Variants in PLPP3 observed in about 807,000 individuals in gnomAD.
The protein encoded by PLPP3 is PAP2 beta.
PLPP3 carries 6 observed loss-of-function variants against 29.6 expected under a neutral mutation model. That is an observed-to-expected ratio of 0.20 (90% CI 0.11 to 0.40). The LOEUF (loss-of-function observed/expected upper bound fraction) is 0.40. Among genes scored for constraint, PLPP3 ranks in the 10% least tolerant of loss-of-function variants. The pLI is 1.00. For synonymous variants in PLPP3, 152 were observed against 159.7 expected, an observed-to-expected ratio of 0.95 and a Z score of 0.36; for missense variants, 308 against 407.7, an observed-to-expected ratio of 0.76 and a Z score of 2.11.
intron 1 of PLPP3, 75 bp downstream of exon 1, chr1:56,578,803 G>A: frequency 7.5e-7 from 1 of 1,324,906 alleles, no homozygotes; most frequent in East Asian, 3.3e-5. Context: ...GGCGCTGCGC[G>A]GCCCCGGACT....
At chr1:56,511,935 C>T in intron 5 of PLPP3, 41 bp downstream of exon 5, 1 of 1,607,786 alleles carries the variant, frequency 6.2e-7, no homozygotes, top group Non-Finnish European at 8.5e-7. Flanking sequence ...AAGCAACAGT[C>T]CAGGGCTCCA....
chr1:56,548,353 A>G (rs1188632390), intron 1 of PLPP3, among the ~76,000 whole-genome samples: 1 of 152,214 alleles, frequency 6.6e-6, no homozygotes, highest in African/African-American at 2.4e-5. Context: ...AATCCCTTTG[A>G]CCTTCTGCCT....
At chr1:56,512,593 C>T (rs1645751010) in intron 4 of PLPP3, 1 of 152,882 alleles carries the variant, frequency 6.5e-6, no homozygotes, top group African/African-American at 2.4e-5. Context: ...GTCTGGGCAA[C>T]AGAGTGAGAC....
intron 4 of PLPP3, 119 bp from the exon 5 acceptor site, chr1:56,512,271 A>G: frequency 1.0e-6 from 1 of 956,006 alleles, no homozygotes; most frequent in Non-Finnish European, 1.5e-6. Context: ...CTTGGGTGGC[A>G]TGTTGTAGAT....
chr1:56,517,746 C>A (rs528185833), intron 4 of PLPP3, among the ~76,000 whole-genome samples: 12 of 152,206 alleles, frequency 7.9e-5, no homozygotes, highest in African/African-American at 2.9e-4. Context: ...AGAAAAGAGG[C>A]AGTTTGAGGG....
chr1:56,550,013 A>T (rs577789025), intron 1 of PLPP3, among the ~76,000 whole-genome samples: 4 of 152,338 alleles, frequency 2.6e-5, no homozygotes, highest in African/African-American at 9.6e-5. Flanking sequence ...AAGAATAGTG[A>T]TAAGGCCACA....
intron 1 of PLPP3, among the ~76,000 whole-genome samples, chr1:56,577,073 C>A (rs1646241777): frequency 6.6e-6 from 1 of 152,116 alleles, no homozygotes; most frequent in African/African-American, 2.4e-5. Context: ...AGGAGGGTAT[C>A]CTGCACAGGC....
At chr1:56,515,617 G>A (rs571434290) in intron 4 of PLPP3, among the ~76,000 whole-genome samples, 3 of 152,338 alleles carry the variant, frequency 2.0e-5, no homozygotes, top group South Asian at 2.1e-4. Context: ...GGAAAAGAAC[G>A]CCTTTGGGAA....
At chr1:56,557,498 T>A (rs1347485176) in intron 1 of PLPP3, among the ~76,000 whole-genome samples, 1 of 152,200 alleles carries the variant, frequency 6.6e-6, no homozygotes, top group Non-Finnish European at 1.5e-5. Context: ...AATCGTATCT[T>A]TTAACTTCAT....
intron 5 of PLPP3, among the ~76,000 whole-genome samples, chr1:56,510,806 G>C (rs1645736108): frequency 1.3e-5 from 2 of 152,158 alleles, no homozygotes; most frequent in Admixed American, 6.5e-5. Context: ...TGATAAGATA[G>C]GGAGAGTAAC....
intron 2 of PLPP3, among the ~76,000 whole-genome samples, chr1:56,528,754 T>C (rs986687743): frequency 3.3e-5 from 5 of 151,068 alleles, no homozygotes; most frequent in Non-Finnish European, 7.4e-5. Context: ...CATACCTAAA[T>C]GAAGAGTTTG....
rs574853243 is a variant in PLPP3, at chr1:56,534,393, C to T, written c.297+2562G>A. The stretch of plus-strand genomic sequence containing the variant: ...CGTGATGATTTGCATCTCTAAACCA[C>T]ACTGGTCTCCTCCACTGCCATTCCG... On this transcript the variant is annotated intron_variant, in intron 2 of 5. Transcript: ENST00000371250. Among the ~76,000 whole-genome samples, 111 of 152,278 alleles carry T rather than the reference C, an allele frequency of 7.3e-4. 1 individual carries two copies. The South Asian group carries it at 9.5e-3, about 13-fold the overall frequency.
chr1:56,496,401 G>C lies in PLPP3; in HGVS notation c.*150C>G. 1 of 930,924 alleles carries C rather than the reference G, an allele frequency of 1.1e-6. No homozygotes were observed. Among genetic ancestry groups the C allele is most frequent in the African/African-American group, 1.7e-5 (1 of 59,924 alleles). The allele number at this position is 930,924 out of a possible 1,614,324, so 57.7% of individuals were successfully genotyped here. A position where few individuals can be genotyped will look rare whatever the true frequency, so the allele number is the denominator to read the frequency against. ...AGGCAAACACTACCTATTTTGGAAGGCCACATAGTAAAACATTTTTTTTTT... is the reference window on the plus strand; with the variant it reads ...AGGCAAACACTACCTATTTTGGAAGCCCACATAGTAAAACATTTTTTTTTT... On this transcript the variant is annotated 3_prime_UTR_variant, in exon 6 of 6. Coordinates refer to ENST00000371250, the MANE Select transcript of PLPP3 (RefSeq NM_003713.5).
intron 2 of PLPP3, among the ~76,000 whole-genome samples, chr1:56,525,027 C>T (rs1464751966): frequency 6.6e-6 from 1 of 152,102 alleles, no homozygotes; most frequent in Non-Finnish European, 1.5e-5. Context: ...TGACATTGGC[C>T]ATGGTGAGAG....
intron 1 of PLPP3, among the ~76,000 whole-genome samples, chr1:56,567,989 A>G (rs921827195): frequency 1.3e-5 from 2 of 152,260 alleles, no homozygotes; most frequent in Non-Finnish European, 2.9e-5. Flanking sequence ...ACATGCTGCA[A>G]TATGAATGAA....
At chr1:56,551,294 C>G (rs55794494) in intron 1 of PLPP3, among the ~76,000 whole-genome samples, 1 of 138,882 alleles carries the variant, frequency 7.2e-6, no homozygotes. Flanking sequence ...TGGTTTGGTT[C>G]GGTTCGGTTC....
rs1487325454 is a variant in PLPP3 at position 56,561,022 on chromosome 1, T to G, written c.139+17856A>C. Among the ~76,000 whole-genome samples the G allele has an allele frequency of 6.1e-5, 9 of 147,352 alleles. No homozygotes were observed. In the South Asian group the frequency reaches 1.3e-3, roughly 21 times the overall value. On this transcript the variant is annotated intron_variant, in intron 1 of 5. Coordinates refer to ENST00000371250, the MANE Select transcript of PLPP3 (RefSeq NM_003713.5). Reference sequence around the variant, plus strand: ...CCGGGTAATTTTTTTTTTTTTTTTGTATTTTTAGTAGAGATGGGGTTTCAC... The same window carrying G: ...CCGGGTAATTTTTTTTTTTTTTTTGGATTTTTAGTAGAGATGGGGTTTCAC...
intron 5 of PLPP3, among the ~76,000 whole-genome samples, chr1:56,510,912 G>C (rs974697291): frequency 2.0e-5 from 3 of 152,168 alleles, no homozygotes; most frequent in South Asian, 2.1e-4. Context: ...TGCTGTTACA[G>C]AGGAGCTGGG....
chr1:56,579,195 T>A lies in PLPP3; in HGVS notation c.-179A>T. On this transcript the variant is annotated 5_prime_UTR_variant, in exon 1 of 6. Transcript: ENST00000371250. ...GCTGCCTGCCTCCAACTGCAGAAGGTGGTGTTTTCTGCTCCTCCTGCGCGC... is the reference window on the plus strand; with the variant it reads ...GCTGCCTGCCTCCAACTGCAGAAGGAGGTGTTTTCTGCTCCTCCTGCGCGC... 1.5e-6 allele frequency: 1 copy of A among 684,704 alleles called. No individual in the cohort carries two copies. The highest frequency in any genetic ancestry group is 4.1e-4 in the Middle Eastern group (1 of 2,424). 42.4% of individuals were successfully genotyped at this position (684,704 alleles called of 1,614,324 possible). A position where few individuals can be genotyped will look rare whatever the true frequency, so the allele number is the denominator to read the frequency against.
Sources: allele counts gnomAD v4.1 joint callset (sites outside exome capture counted in the v4.1 genomes callset), GRCh38; gene constraint gnomAD v4.1.1; transcripts MANE v1.5; gene names NCBI Gene and HGNC (gene_info 2026-07-23, HGNC 2026-07-21).